SIAH2: variants seen among roughly 807,000 people sequenced by gnomAD.
SIAH2 encodes E3 ubiquitin-protein ligase SIAH2.
In SIAH2, 4 loss-of-function variants were observed where a neutral mutation model predicts 20.4. The observed-to-expected ratio is 0.20, with a 90% confidence interval of 0.10 to 0.45. The LOEUF is 0.45. Among genes scored for constraint, SIAH2 ranks in the 20% least tolerant of loss-of-function variants. The probability of loss-of-function intolerance (pLI) is 0.99; values close to 1 mark genes in which losing one functional copy is unlikely to be tolerated. For synonymous variants in SIAH2, 171 were observed against 192.5 expected (o/e 0.89, Z 0.93); for missense variants, 259 against 440.3 (o/e 0.59, Z 3.69).
chr3:150,760,019 G>A (rs1714569794), intron 1 of SIAH2, among the ~76,000 whole-genome samples: 1 of 152,168 alleles, frequency 6.6e-6, no homozygotes, highest in Non-Finnish European at 1.5e-5. Flanking sequence ...TAATTTCTAG[G>A]AGCCTCAAAC....
intron 1 of SIAH2, among the ~76,000 whole-genome samples, chr3:150,760,785 A>T (rs780140890): frequency 9.2e-5 from 14 of 152,234 alleles, no homozygotes; most frequent in African/African-American, 3.1e-4. Flanking sequence ...CCCCTGCAAT[A>T]TATCTCAAGC....
chr3:150,747,901 T>C (rs186977180), intron 1 of SIAH2, among the ~76,000 whole-genome samples: 2,107 of 148,142 alleles, frequency 0.014, 59 homozygotes, highest in African/African-American at 0.052. Context: ...GAGGCAGAGG[T>C]TGCAGTGAGC....
chr3:150,758,414 G>A (rs1366058426), intron 1 of SIAH2, among the ~76,000 whole-genome samples: 1 of 151,932 alleles, frequency 6.6e-6, no homozygotes, highest in Non-Finnish European at 1.5e-5. Context: ...TGATATGAAT[G>A]TGTCAACCTT....
intron 1 of SIAH2, among the ~76,000 whole-genome samples, chr3:150,753,683 ACTCAAGAGGCTAAGGTGGGAGGATC>A (rs555464128): frequency 5.0e-4 from 76 of 152,154 alleles, no homozygotes; most frequent in Non-Finnish European, 6.9e-4. Context: ...AATCCCAGCC[ACTCAAGAGGCTAAGGTGGGAGGATC>A]CCCTGAGCCC....
chr3:150,744,370 A>G (rs1714165366), intron 1 of SIAH2, among the ~76,000 whole-genome samples: 1 of 152,166 alleles, frequency 6.6e-6, no homozygotes, highest in Admixed American at 6.6e-5. Context: ...TCAGTTACTT[A>G]TTTGCCCATA....
At chr3:150,745,277 A>ACACACACACACACC (rs1491209324) in intron 1 of SIAH2, among the ~76,000 whole-genome samples, 1 of 128,926 alleles carries the variant, frequency 7.8e-6, no homozygotes, top group African/African-American at 2.7e-5. Flanking sequence ...ACACACACAC[A>ACACACACACACACC]CCCCACATTT....
intron 1 of SIAH2, among the ~76,000 whole-genome samples, chr3:150,743,779 A>C (rs1384658765): frequency 1.3e-5 from 2 of 152,162 alleles, no homozygotes; most frequent in African/African-American, 4.8e-5. Context: ...TACCAGATGG[A>C]GATCAGCCCA....
intron 1 of SIAH2, among the ~76,000 whole-genome samples, chr3:150,751,290 C>T (rs983136080): frequency 1.3e-5 from 2 of 151,898 alleles, no homozygotes; most frequent in East Asian, 1.9e-4. Flanking sequence ...AGAAATTAGC[C>T]GGGCGTGGCA....
intron 1 of SIAH2, among the ~76,000 whole-genome samples, chr3:150,749,401 G>A (rs1329177114): frequency 6.6e-6 from 1 of 152,048 alleles, no homozygotes; most frequent in Non-Finnish European, 1.5e-5. Context: ...GCTACTAGGA[G>A]GGCAAAGGTG....
At chr3:150,761,722 TA>T (rs1714615105) in intron 1 of SIAH2, among the ~76,000 whole-genome samples, 2 of 152,164 alleles carry the variant, frequency 1.3e-5, no homozygotes, top group Admixed American at 6.5e-5. Context: ...TTACATTAAA[TA>T]AAAAATGAAG....
intron 1 of SIAH2, among the ~76,000 whole-genome samples, chr3:150,752,374 CGAGGCAGGCGGATCACCT>C: frequency 6.6e-6 from 1 of 152,230 alleles, no homozygotes; most frequent in Middle Eastern, 3.4e-3. Context: ...TTTGGGAGGC[CGAGGCAGGCGGATCACCT>C]GAGGTCAGGA....
chr3:150,755,661 G>A (rs939445320), intron 1 of SIAH2, among the ~76,000 whole-genome samples: 1 of 152,062 alleles, frequency 6.6e-6, no homozygotes, highest in African/African-American at 2.4e-5. Flanking sequence ...GGGATTACAG[G>A]CATGCGCCAC....
At chr3:150,751,991 T>A (rs1714380251) in intron 1 of SIAH2, among the ~76,000 whole-genome samples, 1 of 152,226 alleles carries the variant, frequency 6.6e-6, no homozygotes, top group Non-Finnish European at 1.5e-5. Context: ...GGTTGACTTT[T>A]GACCATGTAT....
intron 1 of SIAH2, among the ~76,000 whole-genome samples, chr3:150,753,965 C>G (rs995400822): frequency 5.3e-5 from 8 of 151,766 alleles, no homozygotes; most frequent in African/African-American, 1.7e-4. Flanking sequence ...TTTAAATGAC[C>G]ACAAATAGGA....
At chr3:150,743,286 C>A (rs965011871) in intron 1 of SIAH2, among the ~76,000 whole-genome samples, 2 of 152,238 alleles carry the variant, frequency 1.3e-5, no homozygotes, top group Non-Finnish European at 2.9e-5. Context: ...GGCCTGGAGA[C>A]CCCTTCATAC....
At chr3:150,745,513 T>G (rs1714192559) in intron 1 of SIAH2, among the ~76,000 whole-genome samples, 1 of 151,612 alleles carries the variant, frequency 6.6e-6, no homozygotes, top group Non-Finnish European at 1.5e-5. Context: ...TTTTTTTTTT[T>G]GAGATGGAGT....
intron 1 of SIAH2, among the ~76,000 whole-genome samples, chr3:150,755,667 G>A (rs539335441): frequency 9.9e-5 from 15 of 152,126 alleles, no homozygotes; most frequent in African/African-American, 2.7e-4. Context: ...ACAGGCATGC[G>A]CCACCACGCC....
At chr3:150,745,256 C>T (rs1359726222) in intron 1 of SIAH2, among the ~76,000 whole-genome samples, 2 of 151,476 alleles carry the variant, frequency 1.3e-5, no homozygotes, top group African/African-American at 2.4e-5. Context: ...CACACACACA[C>T]ACACACACAC....
chr3:150,743,783 C>G (rs1453572704), intron 1 of SIAH2, among the ~76,000 whole-genome samples: 1 of 152,114 alleles, frequency 6.6e-6, no homozygotes, highest in Non-Finnish European at 1.5e-5. Flanking sequence ...AGATGGAGAT[C>G]AGCCCACAAG....
Sources: allele counts gnomAD v4.1 joint callset (sites outside exome capture counted in the v4.1 genomes callset), GRCh38; gene constraint gnomAD v4.1.1; transcripts MANE v1.5; gene names NCBI Gene and HGNC (gene_info 2026-07-23, HGNC 2026-07-21).